Variants in KDM4C observed in about 807,000 individuals in gnomAD.
KDM4C encodes the protein lysine-specific demethylase 4C.
In KDM4C, 81 loss-of-function variants were observed where a neutral mutation model predicts 129.3. The ratio of observed to expected loss-of-function variants is 0.63; its 90% confidence interval spans 0.52 to 0.75. KDM4C has a LOEUF of 0.75. Ranked by LOEUF, KDM4C falls within the 30% of genes least tolerant of loss-of-function variation. KDM4C has a pLI of 0.00. For synonymous variants in KDM4C, 573 were observed against 456.1 expected (o/e 1.26, Z -3.26); for missense variants, 1,457 against 1,304.0 (o/e 1.12, Z -1.81).
At chr9:6,877,976 A>G (rs1843824719) in intron 5 of KDM4C, among the ~76,000 whole-genome samples, 1 of 152,238 alleles carries the variant, frequency 6.6e-6, no homozygotes, top group African/African-American at 2.4e-5. Flanking sequence ...CTGTGTAACA[A>G]AGCATAGCAT....
At chr9:6,869,797 G>A (rs1842586833) in intron 5 of KDM4C, among the ~76,000 whole-genome samples, 1 of 152,238 alleles carries the variant, frequency 6.6e-6, no homozygotes, top group East Asian at 1.9e-4. Flanking sequence ...TTGGCAGCCT[G>A]CCTGCAGCAT....
chr9:7,074,194 C>T lies in KDM4C; in HGVS notation c.2424+24994C>T, dbSNP rs1587464727. Among the ~76,000 whole-genome samples the T allele has an allele frequency of 2.6e-5, 4 of 151,430 alleles. No homozygotes were observed. In the South Asian group the frequency reaches 6.3e-4, roughly 24 times the overall value. On this transcript the variant is annotated intron_variant, in intron 17 of 21. Transcript: ENST00000381309. Reference sequence around the variant, plus strand: ...TTTTTTTCTTTCTGAGTTGGAGTTTCGCTCTGTCACCCAGGCTGGAGTGCA... The same window carrying T: ...TTTTTTTCTTTCTGAGTTGGAGTTTTGCTCTGTCACCCAGGCTGGAGTGCA...
intron 15 of KDM4C, among the ~76,000 whole-genome samples, chr9:7,031,062 A>G (rs1826642764): frequency 6.6e-6 from 1 of 152,146 alleles, no homozygotes; most frequent in African/African-American, 2.4e-5. Flanking sequence ...TTAAGAAATC[A>G]AAACCCAAAC....
chr9:7,073,742 A>G (rs1294067315), intron 17 of KDM4C, among the ~76,000 whole-genome samples: 9 of 152,172 alleles, frequency 5.9e-5, no homozygotes, highest in Admixed American at 5.9e-4. Flanking sequence ...TTAAGTTTGA[A>G]CATATCCTCA....
chr9:6,854,525 C>CAAAAAAAAAAAAAAAA (rs1177446839), intron 5 of KDM4C, among the ~76,000 whole-genome samples: 6 of 41,350 alleles, frequency 1.5e-4, no homozygotes, highest in Non-Finnish European at 2.7e-4. Flanking sequence ...AACTCCGTCT[C>CAAAAAAAAAAAAAAAA]AAAAAAAAAA....
At chr9:7,133,758 G>T (rs540265950) in intron 19 of KDM4C, among the ~76,000 whole-genome samples, 8 of 152,166 alleles carry the variant, frequency 5.3e-5, no homozygotes, top group Non-Finnish European at 8.8e-5. Context: ...ACAAGCCCTC[G>T]CTTGGCAAGC....
chr9:7,089,783 A>G (rs1835577893), intron 17 of KDM4C, among the ~76,000 whole-genome samples: 1 of 152,232 alleles, frequency 6.6e-6, no homozygotes, highest in African/African-American at 2.4e-5. Flanking sequence ...GACTTAAAAA[A>G]ACCCAGAAAA....
At chr9:7,011,451 T>C (rs1405587961) in intron 12 of KDM4C, among the ~76,000 whole-genome samples, 2 of 152,204 alleles carry the variant, frequency 1.3e-5, no homozygotes, top group East Asian at 3.9e-4. Flanking sequence ...CTGGTAGGGA[T>C]AGGGAGGGTT....
intron 1 of KDM4C, among the ~76,000 whole-genome samples, chr9:6,739,633 A>AT (rs34006315): frequency 0.091 from 12,594 of 138,942 alleles, 630 homozygotes; most frequent in Non-Finnish European, 0.12. Context: ...TGCAGGGTAG[A>AT]TTTTTTTTTT....
Position 6,793,094 on chromosome 9 carries a change from A to C in KDM4C, c.106A>C (p.Met36Leu). 6.2e-7 allele frequency: 1 copy of C among 1,614,096 alleles called. No homozygotes were observed. ...GGAGTTCAACAAATACCTTGCATAC[A>C]TGGAGTCTAAAGGAGCCCATCGTGC... Reference protein sequence around the residue: ...FREFNKYLAYMESKGAHRAGL... With the variant: ...FREFNKYLAYLESKGAHRAGL... Residue 36 changes from methionine (M) to leucine (L), a missense_variant, in exon 2 of 22, where the codon ATG (methionine) becomes CTG (leucine). Coordinates refer to ENST00000381309, the MANE Select transcript of KDM4C (RefSeq NM_015061.6).
intron 3 of KDM4C, among the ~76,000 whole-genome samples, chr9:6,809,997 A>G (rs1430900572): frequency 1.3e-5 from 2 of 152,136 alleles, no homozygotes; most frequent in Non-Finnish European, 2.9e-5. Flanking sequence ...CTTGAAAAAA[A>G]TAAATAAAAT....
chr9:6,761,937 GCTGGGAT>G (rs1475669964), intron 1 of KDM4C, among the ~76,000 whole-genome samples: 1 of 152,134 alleles, frequency 6.6e-6, no homozygotes, highest in African/African-American at 2.4e-5. Flanking sequence ...CTCCCGAGTA[GCTGGGAT>G]TACAGGCACG....
intron 8 of KDM4C, among the ~76,000 whole-genome samples, chr9:6,905,565 T>C (rs1818168389): frequency 2.0e-5 from 3 of 152,248 alleles, no homozygotes; most frequent in Admixed American, 2.0e-4. Flanking sequence ...GAATTAATGC[T>C]GAATCCTAAG....
chr9:7,172,140 T>C (rs897781904), intron 21 of KDM4C, among the ~76,000 whole-genome samples: 10 of 152,192 alleles, frequency 6.6e-5, no homozygotes, highest in African/African-American at 2.4e-4. Context: ...AGATGTTTTA[T>C]GGTTAGAAAA....
intron 6 of KDM4C, 86 bp downstream of exon 6, chr9:6,880,147 A>C: frequency 1.3e-6 from 1 of 753,838 alleles, no homozygotes; most frequent in Non-Finnish European, 2.2e-6. Flanking sequence ...ACTTTTTACA[A>C]TATAGACCGT....
chr9:6,857,218 A>C (rs1260607073), intron 5 of KDM4C, among the ~76,000 whole-genome samples: 6 of 152,180 alleles, frequency 3.9e-5, no homozygotes, highest in African/African-American at 1.4e-4. Context: ...GGATTGCTCA[A>C]GCCCAGGGGT....
chr9:6,802,854 A>G (rs1232913106), intron 2 of KDM4C, among the ~76,000 whole-genome samples: 1 of 152,206 alleles, frequency 6.6e-6, no homozygotes, highest in Non-Finnish European at 1.5e-5. Flanking sequence ...TGGTCTGTCC[A>G]CCTTGGCCTC....
intron 17 of KDM4C, among the ~76,000 whole-genome samples, chr9:7,062,058 C>A (rs1419794416): frequency 1.3e-5 from 2 of 152,034 alleles, no homozygotes; most frequent in African/African-American, 2.4e-5. Flanking sequence ...AGCTCCGCCT[C>A]CCAGGTTCAC....
chr9:6,796,404 T>A (rs976907410), intron 2 of KDM4C, among the ~76,000 whole-genome samples: 31 of 152,158 alleles, frequency 2.0e-4, no homozygotes, highest in African/African-American at 7.0e-4. Context: ...GATAACCATC[T>A]CTTCTCTTCT....
Sources: gnomAD v4.1 joint callset for allele counts (sites outside exome capture counted in the v4.1 genomes callset) on GRCh38, gnomAD v4.1.1 for gene constraint, MANE v1.5 for transcripts, NCBI Gene and HGNC (gene_info 2026-07-23, HGNC 2026-07-21) for gene names.